The following MTOR variants were observed in gnomAD, a reference collection of about 807,000 sequenced individuals.
The protein encoded by MTOR is serine/threonine-protein kinase mTOR.
Under a neutral mutation model 319.8 loss-of-function variants are expected in MTOR, and 70 were observed. That is an observed-to-expected ratio of 0.22 (90% CI 0.18 to 0.27). The LOEUF is 0.27. Among genes scored for constraint, MTOR ranks in the 10% least tolerant of loss-of-function variants. The pLI is 1.00. For missense variants in MTOR, 1,890 were observed against 3,274.4 expected (o/e 0.58, Z 10.32); for synonymous variants, 1,183 against 1,211.4 (o/e 0.98, Z 0.49).
At chr1:11,260,116 A>G (rs1224452272) in intron 1 of MTOR, among the ~76,000 whole-genome samples, 2 of 152,236 alleles carry the variant, frequency 1.3e-5, no homozygotes, top group South Asian at 2.1e-4. Context: ...TACTACTACT[A>G]CTACTATGTA....
chr1:11,212,236 T>G lies in MTOR; in HGVS notation c.3561+76A>C. On this transcript the variant is annotated intron_variant, in intron 23 of 57. Coordinates refer to ENST00000361445, the MANE Select transcript of MTOR (RefSeq NM_004958.4). This position sits in a 1 kb window ranked among gnomAD's most constrained non-coding sequence, Gnocchi z 4.1. ...TGATGGTGGCTGGCATCAGACAAAGTCTGAGTGGCTCACAGACAAAGTCTT... is the reference window on the plus strand; with the variant it reads ...TGATGGTGGCTGGCATCAGACAAAGGCTGAGTGGCTCACAGACAAAGTCTT... 1 of 1,517,030 alleles carries G rather than the reference T, an allele frequency of 6.6e-7. No individual in the cohort carries two copies. Among genetic ancestry groups the G allele is most frequent in the Non-Finnish European group, 8.9e-7 (1 of 1,127,944 alleles). 94.0% of individuals were successfully genotyped at this position (1,517,030 alleles called of 1,614,324 possible). A position where few individuals can be genotyped will look rare whatever the true frequency, so the allele number is the denominator to read the frequency against.
intron 19 of MTOR, among the ~76,000 whole-genome samples, chr1:11,226,037 C>T (rs754393478): frequency 1.3e-5 from 2 of 152,004 alleles, no homozygotes; most frequent in South Asian, 2.1e-4. Context: ...GACATAAGAT[C>T]GAAATTTAAA....
At position 11,107,462 on chromosome 1, in the gene MTOR, G is replaced by A. The variant is rs749196272; in HGVS notation, c.*23C>T. ...AGTACAAAAGCCTCAGAAAAAACGT[G>A]ATGGGCACATCTGGGCCTCCAGTTA... is the stretch of plus-strand genomic sequence containing the variant. On this transcript the variant is annotated 3_prime_UTR_variant, in exon 58 of 58. Transcript: ENST00000361445. 6 of 1,608,504 alleles carry A rather than the reference G, an allele frequency of 3.7e-6. No individual in the cohort carries two copies. The Admixed American group carries it at 1.0e-4, about 28-fold the overall frequency.
chr1:11,117,951 G>A (rs930572627), intron 49 of MTOR, among the ~76,000 whole-genome samples: 17 of 151,896 alleles, frequency 1.1e-4, no homozygotes, highest in Admixed American at 3.9e-4. Flanking sequence ...GTGGTGGTGC[G>A]TGCCTGTAAT....
intron 20 of MTOR, 138 bp from the exon 21 acceptor site, chr1:11,213,704 C>G (rs1646381321): frequency 1.3e-6 from 1 of 744,996 alleles, no homozygotes; most frequent in African/African-American, 1.7e-5. Context: ...CTCCCCTCCT[C>G]CCACTGGGCC....
chr1:11,112,761 C>A, intron 54 of MTOR, 91 bp downstream of exon 54: 1 of 1,318,922 alleles, frequency 7.6e-7, no homozygotes, highest in Non-Finnish European at 1.1e-6. Flanking sequence ...TAACGTCCTG[C>A]GGGATGCACC....
intron 28 of MTOR, among the ~76,000 whole-genome samples, chr1:11,179,036 GC>G (rs1645069562): frequency 6.6e-6 from 1 of 152,206 alleles, no homozygotes; most frequent in Non-Finnish European, 1.5e-5. Flanking sequence ...AAAAAACCAT[GC>G]CCACCTTCTT....
At position 11,109,633 on chromosome 1, in the gene MTOR, C is replaced by T. The variant is rs748513604; in HGVS notation, c.7447+16G>A. On this transcript the variant is annotated intron_variant, in intron 55 of 57. Transcript: ENST00000361445. The surrounding 1 kb of genome is among the most constrained non-coding windows in gnomAD (Gnocchi z 4.0). ...TGAGCTAGTCACTGGTGCGGTTCCT[C>T]AGAGGCTGAACTTACTGAAAGAATG... 1 of 1,612,846 alleles carries T rather than the reference C, an allele frequency of 6.2e-7. No homozygotes were observed. Among genetic ancestry groups the T allele is most frequent in the Admixed American group, 1.7e-5 (1 of 60,010 alleles).
chr1:11,141,783 G>A (rs1172899678), intron 34 of MTOR, among the ~76,000 whole-genome samples: 3 of 149,728 alleles, frequency 2.0e-5, no homozygotes, highest in Admixed American at 1.3e-4. Context: ...TCAGGAGATC[G>A]AGATCATCCT....
chr1:11,258,719 T>C (rs1217545047), intron 2 of MTOR, 126 bp from the exon 3 acceptor site: 2 of 635,968 alleles, frequency 3.1e-6, no homozygotes, highest in Non-Finnish European at 5.5e-6. Context: ...AGAAGACAAG[T>C]TACTGCCCAT....
chr1:11,132,749 AG>A (rs1159544251), intron 38 of MTOR: 1 of 223,890 alleles, frequency 4.5e-6, no homozygotes, highest in Non-Finnish European at 8.8e-6. Flanking sequence ...AGATGACCTA[AG>A]GGAAGATGTC....
At chr1:11,138,766 C>T (rs1250693223) in intron 36 of MTOR, among the ~76,000 whole-genome samples, 4 of 152,132 alleles carry the variant, frequency 2.6e-5, no homozygotes, top group Admixed American at 2.6e-4. Flanking sequence ...AGAAAAAAAC[C>T]CCCAAACCAG....
chr1:11,128,840 A>ACCAAGTATCCTCACCTGTAG lies in MTOR; in HGVS notation c.5806_5811+14dup. The ACCAAGTATCCTCACCTGTAG allele has an allele frequency of 6.2e-7, 1 of 1,606,096 alleles. No individual in the cohort carries two copies. The highest frequency in any genetic ancestry group is 8.5e-7 in the Non-Finnish European group (1 of 1,173,498). On this transcript the variant is annotated intron_variant, in intron 41 of 57. Transcript: ENST00000361445. This position sits in a 1 kb window ranked among gnomAD's most constrained non-coding sequence, Gnocchi z 5.3. The stretch of plus-strand genomic sequence containing the variant: ...AGACTTGGAGCCACCTTCACCTGTA[A>ACCAAGTATCCTCACCTGTAG]CCAAGTATCCTCACCTGTAGCCAGG...
intron 28 of MTOR, among the ~76,000 whole-genome samples, chr1:11,194,235 G>C (rs1645683645): frequency 6.6e-6 from 1 of 152,212 alleles, no homozygotes; most frequent in South Asian, 2.1e-4. Context: ...AATATAGAAA[G>C]AGAGACTAAT....
At position 11,108,171 on chromosome 1, in the gene MTOR, C is replaced by A; in HGVS notation, c.7634+10G>T. On this transcript the variant is annotated intron_variant, in intron 57 of 57. Coordinates refer to ENST00000361445, the MANE Select transcript of MTOR (RefSeq NM_004958.4). ...TATTTTAACAAAGTCACTTTGAGAG[C>A]CCCACTCACCAGCCAATATAGCACT... 2 of 1,607,906 alleles carry A rather than the reference C, an allele frequency of 1.2e-6. No homozygotes were observed. The highest frequency in any genetic ancestry group is 1.7e-6 in the Non-Finnish European group (2 of 1,174,638).
At position 11,216,278 on chromosome 1, in the gene MTOR, T is replaced by C. The variant is rs372363394; in HGVS notation, c.3031-44A>G. 6.5e-4 allele frequency: 964 copies of C among 1,484,552 alleles called. 2 individuals carry two copies. In the Middle Eastern group the frequency reaches 8.2e-3, roughly 13 times the overall value. 92.0% of individuals were successfully genotyped at this position (1,484,552 alleles called of 1,614,324 possible). A position where few individuals can be genotyped will look rare whatever the true frequency, so the allele number is the denominator to read the frequency against. Reference sequence around the variant, plus strand: ...CAACCAGCTGGTATCATGAAGGACATTGAACCCCCAGGCTTACCTTAAGCT... The same window carrying C: ...CAACCAGCTGGTATCATGAAGGACACTGAACCCCCAGGCTTACCTTAAGCT... On this transcript the variant is annotated intron_variant, in intron 19 of 57. Coordinates refer to ENST00000361445, the MANE Select transcript of MTOR (RefSeq NM_004958.4).
At chr1:11,144,530 C>T (rs1643862457) in intron 34 of MTOR, 118 bp downstream of exon 34, 4 of 742,030 alleles carry the variant, frequency 5.4e-6, no homozygotes, top group Non-Finnish European at 6.9e-6. Flanking sequence ...AAGCAATACA[C>T]TGGTGGAGGA....
intron 6 of MTOR, among the ~76,000 whole-genome samples, chr1:11,252,516 G>A (rs1314614082): frequency 3.3e-5 from 5 of 152,070 alleles, no homozygotes; most frequent in African/African-American, 7.2e-5. Context: ...TATAGAAACC[G>A]CACAAGAGCC....
chr1:11,132,813 G>T, intron 38 of MTOR: 1 of 371,170 alleles, frequency 2.7e-6, no homozygotes, highest in Non-Finnish European at 4.9e-6. Context: ...AAGCAGCTCA[G>T]AGTCTGTAAG....
Sources: gnomAD v4.1 joint callset for allele counts (sites outside exome capture counted in the v4.1 genomes callset) on GRCh38, gnomAD v4.1.1 for gene constraint, Gnocchi (gnomAD v3.1) non-coding constraint, MANE v1.5 for transcripts, NCBI Gene and HGNC (gene_info 2026-07-23, HGNC 2026-07-21) for gene names.